NPC1L1: variants seen among roughly 807,000 people sequenced by gnomAD.
NPC1L1 encodes the protein NPC1 like intracellular cholesterol transporter 1, also known as NPC1-like intracellular cholesterol transporter 1.
NPC1L1 carries 98 observed loss-of-function variants against 117.0 expected under a neutral mutation model. The ratio of observed to expected loss-of-function variants is 0.84; its 90% CI spans 0.71 to 0.99. The LOEUF is 0.99. Ranked by LOEUF, NPC1L1 falls within the 50% of genes least tolerant of loss-of-function variation. The pLI is 0.00. For missense variants in NPC1L1, 1,540 were observed against 1,710.0 expected, an observed-to-expected ratio of 0.90 and a Z score of 1.75; for synonymous variants, 729 against 727.6, an observed-to-expected ratio of 1.00 and a Z score of -0.03.
chr7:44,513,261 C>T lies in NPC1L1; in HGVS notation c.*186G>A. ...GGAAACTGGGGACCCACTATGGGAG[C>T]AGAGGAGCCATCAGTGGTGCTGCCT... On this transcript the variant is annotated 3_prime_UTR_variant, in exon 19 of 19. Coordinates refer to ENST00000381160, the MANE Select transcript of NPC1L1 (RefSeq NM_001101648.2). The T allele has an allele frequency of 1.1e-5, 7 of 645,264 alleles. No homozygotes were observed. In the South Asian group the frequency reaches 1.2e-4, roughly 11 times the overall value. The allele number at this position is 645,264 out of a possible 1,614,324, so 40.0% of individuals were successfully genotyped here.
At chr7:44,532,870 A>G (rs1257562491) in intron 8 of NPC1L1, among the ~76,000 whole-genome samples, 1 of 152,234 alleles carries the variant, frequency 6.6e-6, no homozygotes, top group Non-Finnish European at 1.5e-5. Context: ...TTGGGAGGCC[A>G]AGGTGGGCAG....
chr7:44,525,200 A>C (rs1310840486), intron 10 of NPC1L1, among the ~76,000 whole-genome samples: 1 of 152,228 alleles, frequency 6.6e-6, no homozygotes, highest in African/African-American at 2.4e-5. Flanking sequence ...GAATATAAAC[A>C]TTCAAGAAAC....
At position 44,533,809 on chromosome 7, in the gene NPC1L1, C is replaced by T; in HGVS notation, c.2211G>A (p.Gly737=). The T allele has an allele frequency of 6.2e-7, 1 of 1,613,782 alleles. No individual in the cohort carries two copies. Among genetic ancestry groups the T allele is most frequent in the Non-Finnish European group, 8.5e-7 (1 of 1,179,960 alleles). Residue 737 remains glycine (G), a synonymous_variant, in exon 7 of 19, where the codon GGG becomes GGA. Coordinates refer to ENST00000381160, the MANE Select transcript of NPC1L1 (RefSeq NM_001101648.2). ...TGGGAGCCACCCTGCCTAGGGCTCG[C>T]CCAATGTGGACCTCTCGTGGCTCCC... is the stretch of plus-strand genomic sequence containing the variant. ...RPGEPREVHI[G]RALGRVAPSM...
In NPC1L1 at chr7:44,520,986, G is replaced by A. The variant is rs756779008; in HGVS notation, c.3080+6C>T. On this transcript the variant is annotated splice_donor_region_variant and intron_variant, in intron 13 of 18. Coordinates refer to ENST00000381160, the MANE Select transcript of NPC1L1 (RefSeq NM_001101648.2). ...CCTCCCCAGCAGAAGGCCCTCCCAA[G>A]CTTACCCTTTGGGACATTTGATGTT... The A allele has an allele frequency of 1.9e-6, 3 of 1,613,980 alleles. No individual in the cohort carries two copies. Among genetic ancestry groups the A allele is most frequent in the Non-Finnish European group, 2.5e-6 (3 of 1,180,022 alleles).
rs780432792 is a variant in NPC1L1, at chr7:44,520,714, C to T, written c.3136+51G>A. On this transcript the variant is annotated intron_variant, in intron 14 of 18. Coordinates refer to ENST00000381160, the MANE Select transcript of NPC1L1 (RefSeq NM_001101648.2). ...GCTGTTCCCTGGGGTTTTCGGGGGC[C>T]CTCCAGAGCAACCGATTTATGTCCT... 6.6e-6 allele frequency: 10 copies of T among 1,523,136 alleles called. No homozygotes were observed. The South Asian group carries it at 9.0e-5, about 14-fold the overall frequency. 94.4% of individuals were successfully genotyped at this position (1,523,136 alleles called of 1,614,324 possible). A position where few individuals can be genotyped will look rare whatever the true frequency, so the allele number is the denominator to read the frequency against.
At chr7:44,527,481 A>AG (rs1254960104) in intron 10 of NPC1L1, among the ~76,000 whole-genome samples, 3 of 150,762 alleles carry the variant, frequency 2.0e-5, no homozygotes, top group Non-Finnish European at 3.0e-5. Context: ...AAAAAAAAAA[A>AG]AAAAAGACAT....
At chr7:44,533,105 C>CA (rs879840145) in intron 8 of NPC1L1, 13,788 of 249,550 alleles carry the variant, frequency 0.055, 8 homozygotes, top group South Asian at 0.095. Context: ...AACTCCGTCT[C>CA]AAAAAAAAAA....
In NPC1L1 at chr7:44,534,576, T is replaced by C; in HGVS notation, c.2037A>G (p.Ala679=). The C allele has an allele frequency of 1.9e-6, 3 of 1,614,148 alleles. No homozygotes were observed. The highest frequency in any genetic ancestry group is 2.5e-6 in the Non-Finnish European group (3 of 1,180,008). The change falls in exon 6 of 19, where the codon GCA becomes GCG. Residue 679 remains alanine, a synonymous_variant. Transcript: ENST00000381160. This position sits in a 1 kb window ranked among gnomAD's most constrained non-coding sequence, Gnocchi z 5.2. ...GLGGVAVVLG[A]VMAAMGFFSY... ...AGAAGAAGCCCATGGCAGCCATGAC[T>C]GCTCCCAGGACCACGGCCACCCCGC... is the stretch of plus-strand genomic sequence containing the variant.
intron 10 of NPC1L1, among the ~76,000 whole-genome samples, chr7:44,522,766 C>T (rs985600745): frequency 2.0e-5 from 3 of 152,194 alleles, no homozygotes; most frequent in Admixed American, 2.0e-4. Context: ...CACATGAACA[C>T]ACACTGACAC....
Position 44,536,191 on chromosome 7 carries a change from A to G in NPC1L1, c.1854+65T>C. On this transcript the variant is annotated intron_variant, in intron 4 of 18. Coordinates refer to ENST00000381160, the MANE Select transcript of NPC1L1 (RefSeq NM_001101648.2). The surrounding 1 kb of genome is among the most constrained non-coding windows in gnomAD (Gnocchi z 4.7). The stretch of plus-strand genomic sequence containing the variant: ...AGGAAGGGCCAGGGCCAGGATGGGG[A>G]CACAGGAACTGACCCAAGACCACCT... 1 of 1,605,636 alleles carries G rather than the reference A, an allele frequency of 6.2e-7. No individual in the cohort carries two copies. Among genetic ancestry groups the G allele is most frequent in the Non-Finnish European group, 8.5e-7 (1 of 1,174,180 alleles).
At chr7:44,519,728 T>A (rs1801295701) in intron 14 of NPC1L1, among the ~76,000 whole-genome samples, 1 of 152,164 alleles carries the variant, frequency 6.6e-6, no homozygotes, top group Non-Finnish European at 1.5e-5. Flanking sequence ...TGTCTTGTTC[T>A]GCCATCTGCT....
At chr7:44,531,691 G>T in intron 10 of NPC1L1, 64 bp downstream of exon 10, 1 of 1,432,704 alleles carries the variant, frequency 7.0e-7, no homozygotes, top group Non-Finnish European at 9.6e-7. Context: ...ACCCATCCCT[G>T]CTGGTTGCTA....
intron 5 of NPC1L1, 112 bp downstream of exon 5, chr7:44,535,728 G>A: frequency 1.4e-6 from 2 of 1,466,010 alleles, no homozygotes; most frequent in Non-Finnish European, 1.9e-6. Context: ...CCACTTGGGT[G>A]TGTCCACTTT....
At position 44,538,897 on chromosome 7, in the gene NPC1L1, G is replaced by A. The variant is rs755962520; in HGVS notation, c.1500C>T (p.Leu500=). The change falls in exon 2 of 19, where the codon CTC becomes CTT. Residue 500 remains leucine (L), a synonymous_variant. Coordinates refer to ENST00000381160, the MANE Select transcript of NPC1L1 (RefSeq NM_001101648.2). This position sits in a 1 kb window ranked among gnomAD's most constrained non-coding sequence, Gnocchi z 5.9. Reference sequence around the variant, plus strand: ...GTGTCTGGTTGGCTGTGAGCAGCAGGAGCGTGCGGTTGTTCTGGAAATACT... The same window carrying A: ...GTGTCTGGTTGGCTGTGAGCAGCAGAAGCGTGCGGTTGTTCTGGAAATACT... ...LLQYFQNNRT[L]LLLTANQTLM... is the part of the protein sequence containing the mutation. 6.2e-7 allele frequency: 1 copy of A among 1,614,240 alleles called. No homozygotes were observed. The highest frequency in any genetic ancestry group is 8.5e-7 in the Non-Finnish European group (1 of 1,180,038).
intron 10 of NPC1L1, among the ~76,000 whole-genome samples, chr7:44,527,956 C>A (rs1801577534): frequency 6.6e-6 from 1 of 152,130 alleles, no homozygotes; most frequent in Non-Finnish European, 1.5e-5. Flanking sequence ...TCCCAAGTAG[C>A]TAGGTTTACA....
Position 44,533,575 on chromosome 7 carries a change from G to A in NPC1L1, c.2282-17C>T. 6.2e-7 allele frequency: 1 copy of A among 1,614,116 alleles called. No individual in the cohort carries two copies. Among genetic ancestry groups the A allele is most frequent in the Non-Finnish European group, 8.5e-7 (1 of 1,180,010 alleles). On this transcript the variant is annotated splice_polypyrimidine_tract_variant and intron_variant, in intron 7 of 18. Transcript: ENST00000381160. ...TCAGGGCCCCTGTGAGGGAGCAGAG[G>A]GCTGTCAGGGCACCCTGGCTTCAAG... is the stretch of plus-strand genomic sequence containing the variant.
chr7:44,540,334 A>G lies in NPC1L1; in HGVS notation c.63T>C (p.Ser21=), dbSNP rs750133000. The G allele has an allele frequency of 1.2e-6, 2 of 1,612,394 alleles. No homozygotes were observed. Among genetic ancestry groups the G allele is most frequent in the Non-Finnish European group, 1.7e-6 (2 of 1,179,960 alleles). Residue 21 remains serine, a synonymous_variant, in exon 2 of 19, where the codon AGT becomes AGC. Transcript: ENST00000381160. ...GCTGGTGGATGGTTGTGTAAGGCTC[A>G]CTCTGGGCCTGCAGAGCACAGCAAC... ...LWALLLRLAQ[S]EPYTTIHQPG...
chr7:44,529,068 C>T (rs975960067), intron 10 of NPC1L1, among the ~76,000 whole-genome samples: 18 of 143,268 alleles, frequency 1.3e-4, no homozygotes, highest in African/African-American at 4.6e-4. Flanking sequence ...GAGGCTCCAT[C>T]TCAAAAAAAA....
At chr7:44,531,338 T>G (rs934744220) in intron 10 of NPC1L1, among the ~76,000 whole-genome samples, 30 of 152,144 alleles carry the variant, frequency 2.0e-4, no homozygotes, top group Non-Finnish European at 4.0e-4. Flanking sequence ...CTGTCATCAC[T>G]TTCCTCTGCA....
Sources: allele counts gnomAD v4.1 joint callset (sites outside exome capture counted in the v4.1 genomes callset), GRCh38; gene constraint gnomAD v4.1.1; non-coding constraint Gnocchi (gnomAD v3.1); transcripts MANE v1.5; gene names NCBI Gene and HGNC (gene_info 2026-07-23, HGNC 2026-07-21).